The following CADM1 variants were observed in gnomAD, a reference collection of about 807,000 sequenced individuals.
CADM1 encodes the protein cell adhesion molecule 1.
A neutral mutation model predicts 53.1 loss-of-function variants in CADM1; 15 were observed. The observed-to-expected ratio is 0.28, with a 90% CI of 0.19 to 0.44. The LOEUF (loss-of-function observed/expected upper bound fraction) is 0.44. Among genes scored for constraint, CADM1 ranks in the 20% least tolerant of loss-of-function variants. The pLI is 1.00. For synonymous variants in CADM1, 281 were observed against 243.0 expected (o/e 1.16, Z -1.45); for missense variants, 434 against 611.3 (o/e 0.71, Z 3.06).
intron 1 of CADM1, among the ~76,000 whole-genome samples, chr11:115,248,953 T>A (rs565902963): frequency 2.0e-5 from 3 of 152,292 alleles, no homozygotes; most frequent in African/African-American, 7.2e-5. Flanking sequence ...AAACAATAAC[T>A]GCAGCCATCC....
intron 9 of CADM1, among the ~76,000 whole-genome samples, chr11:115,196,595 TAAA>T (rs61694033): frequency 2.6e-5 from 2 of 76,892 alleles, no homozygotes; most frequent in African/African-American, 1.0e-4. Context: ...GCTGATGAAC[TAAA>T]AAAAAAAAAA....
At chr11:115,428,824 A>T (rs1947966982) in intron 1 of CADM1, among the ~76,000 whole-genome samples, 1 of 152,122 alleles carries the variant, frequency 6.6e-6, no homozygotes, top group Non-Finnish European at 1.5e-5. Context: ...TGAGCAGACT[A>T]GGAAATCCAG....
At chr11:115,254,549 AACACACACACAC>A (rs58261564) in intron 1 of CADM1, among the ~76,000 whole-genome samples, 50 of 134,990 alleles carry the variant, frequency 3.7e-4, no homozygotes, top group African/African-American at 7.4e-4. Flanking sequence ...AAGGGAGACA[AACACACACACAC>A]ACACACACAC....
At chr11:115,249,018 C>T (rs1942504007) in intron 1 of CADM1, among the ~76,000 whole-genome samples, 1 of 152,164 alleles carries the variant, frequency 6.6e-6, no homozygotes, top group Non-Finnish European at 1.5e-5. Context: ...TCTTATGAAA[C>T]TAATTGTGTT....
chr11:115,324,834 T>C (rs1944919435), intron 1 of CADM1, among the ~76,000 whole-genome samples: 1 of 152,160 alleles, frequency 6.6e-6, no homozygotes, highest in Non-Finnish European at 1.5e-5. Flanking sequence ...TGTGTCTAGA[T>C]TGAAGCGCTG....
intron 1 of CADM1, among the ~76,000 whole-genome samples, chr11:115,443,313 G>A (rs55818742): frequency 0.14 from 21,520 of 152,160 alleles, 1,704 homozygotes; most frequent in Non-Finnish European, 0.18. Flanking sequence ...ACCACTCTCT[G>A]TGTTAATTAT....
chr11:115,243,183 G>A (rs546325086), intron 1 of CADM1, among the ~76,000 whole-genome samples: 1 of 152,272 alleles, frequency 6.6e-6, no homozygotes, highest in East Asian at 1.9e-4. Flanking sequence ...ATCTGCAAAT[G>A]TTTGCCCTTG....
chr11:115,321,340 T>C (rs1431277352), intron 1 of CADM1, among the ~76,000 whole-genome samples: 1 of 152,130 alleles, frequency 6.6e-6, no homozygotes, highest in Non-Finnish European at 1.5e-5. Context: ...AATATGCTAG[T>C]GGTAAGTGCA....
intron 1 of CADM1, among the ~76,000 whole-genome samples, chr11:115,359,610 A>G (rs993610684): frequency 2.0e-5 from 3 of 152,186 alleles, no homozygotes; most frequent in Admixed American, 6.5e-5. Flanking sequence ...TCTTATATTC[A>G]GCACCAAGCT....
chr11:115,414,866 C>A (rs973585884), intron 1 of CADM1, among the ~76,000 whole-genome samples: 3 of 152,158 alleles, frequency 2.0e-5, no homozygotes, highest in Non-Finnish European at 2.9e-5. Context: ...TTCACTTCCA[C>A]AATGAAGTTC....
intron 1 of CADM1, among the ~76,000 whole-genome samples, chr11:115,457,751 A>G (rs1948710025): frequency 6.6e-6 from 1 of 152,124 alleles, no homozygotes; most frequent in Non-Finnish European, 1.5e-5. Flanking sequence ...CTGATAGGTA[A>G]TTGTTTTGTA....
rs577011832 is a variant in CADM1 at position 115,430,716 on chromosome 11, G to A, written c.124+73555C>T. ...AAAGCAGAGATTAAAAATGAATGCC[G>A]CAGGACCAGAGATTTGGTCATTTCA... On this transcript the variant is annotated intron_variant, in intron 1 of 11. Transcript: ENST00000331581. 3.3e-5 allele frequency among the ~76,000 whole-genome samples: 5 copies of A among 152,174 alleles called. No homozygotes were observed. The East Asian group carries it at 5.8e-4, about 18-fold the overall frequency.
intron 1 of CADM1, among the ~76,000 whole-genome samples, chr11:115,350,811 T>C (rs1467384483): frequency 6.6e-6 from 1 of 151,640 alleles, no homozygotes; most frequent in East Asian, 1.9e-4. Flanking sequence ...AACAAGAAAA[T>C]CACATTATTC....
chr11:115,445,841 CA>C, intron 1 of CADM1: 2 of 418,166 alleles, frequency 4.8e-6, no homozygotes, highest in Non-Finnish European at 4.7e-6. Context: ...TGAGACCTGT[CA>C]AAAAAGAAAA....
intron 8 of CADM1, among the ~76,000 whole-genome samples, chr11:115,201,785 T>C (rs1193792556): frequency 6.6e-6 from 1 of 152,168 alleles, no homozygotes; most frequent in African/African-American, 2.4e-5. Context: ...TATGGTGGTG[T>C]TGGGTTATAT....
chr11:115,392,758 A>G (rs989714278), intron 1 of CADM1, among the ~76,000 whole-genome samples: 2 of 152,178 alleles, frequency 1.3e-5, no homozygotes, highest in South Asian at 4.1e-4. Context: ...TATCTGACCC[A>G]GGAATTTCAA....
At chr11:115,458,845 T>A (rs1294050353) in intron 1 of CADM1, among the ~76,000 whole-genome samples, 1 of 152,120 alleles carries the variant, frequency 6.6e-6, no homozygotes, top group Non-Finnish European at 1.5e-5. Context: ...TATTTCTAAG[T>A]TAAGGCATAC....
At chr11:115,498,437 G>A (rs756682818) in intron 1 of CADM1, among the ~76,000 whole-genome samples, 8 of 152,210 alleles carry the variant, frequency 5.3e-5, no homozygotes, top group Non-Finnish European at 1.2e-4. Context: ...TCCTACAGAA[G>A]TCCTCACATG....
intron 1 of CADM1, among the ~76,000 whole-genome samples, chr11:115,364,077 T>G (rs2135103240): frequency 6.6e-6 from 1 of 152,238 alleles, no homozygotes; most frequent in East Asian, 1.9e-4. Flanking sequence ...ATTTTTGCAT[T>G]ATGATGACAT....
Sources: gnomAD v4.1 joint callset for allele counts (sites outside exome capture counted in the v4.1 genomes callset) on GRCh38, gnomAD v4.1.1 for gene constraint, MANE v1.5 for transcripts, NCBI Gene and HGNC (gene_info 2026-07-23, HGNC 2026-07-21) for gene names.